The following ZAP70 variants were observed in gnomAD, a reference collection of about 807,000 sequenced individuals.
ZAP70 encodes tyrosine-protein kinase ZAP-70.
ZAP70 carries 27 observed loss-of-function variants against 65.8 expected under a neutral mutation model. That is an observed-to-expected ratio of 0.41 (90% CI 0.30 to 0.57). The LOEUF is 0.57. ZAP70 is among the 20% of genes least tolerant of loss of function. The pLI, the probability that ZAP70 is intolerant of heterozygous loss-of-function variation, is 0.28. For synonymous variants in ZAP70, 363 were observed against 360.8 expected (o/e 1.01, Z -0.07); for missense variants, 696 against 870.5 (o/e 0.80, Z 2.52).
Position 97,737,919 on chromosome 2 carries a change from T to A in ZAP70, c.1623+22T>A. The A allele has an allele frequency of 6.2e-7, 1 of 1,613,816 alleles. No individual in the cohort carries two copies. The highest frequency in any genetic ancestry group is 8.5e-7 in the Non-Finnish European group (1 of 1,179,856). On this transcript the variant is annotated intron_variant, in intron 12 of 13. Transcript: ENST00000264972. The surrounding 1 kb of genome is among the most constrained non-coding windows in gnomAD (Gnocchi z 5.0). Reference sequence around the variant, plus strand: ...CAAGGCAGGCGCGGGCAGAGGCAGGTGGGCGGTGTGGTGGGGAGGGGGATG... The same window carrying A: ...CAAGGCAGGCGCGGGCAGAGGCAGGAGGGCGGTGTGGTGGGGAGGGGGATG...
At chr2:97,751,809 G>C in the ZAP70 span, among the ~76,000 whole-genome samples, 1 of 152,220 alleles carries the variant, frequency 6.6e-6, no homozygotes, top group African/African-American at 2.4e-5. Flanking sequence ...GAGAAAGGGA[G>C]GAAGAGGGAG....
intron 4 of ZAP70, among the ~76,000 whole-genome samples, chr2:97,730,332 TG>T (rs1382047030): frequency 6.6e-6 from 1 of 152,216 alleles, no homozygotes; most frequent in Non-Finnish European, 1.5e-5. Context: ...CCTCTTCTGC[TG>T]GGTTTTTGAG....
the ZAP70 span, among the ~76,000 whole-genome samples, chr2:97,748,315 CTG>C: frequency 2.0e-5 from 3 of 152,190 alleles, no homozygotes; most frequent in Non-Finnish European, 4.4e-5. Context: ...TGATTAAAAA[CTG>C]TTAATCCACT....
the ZAP70 span, among the ~76,000 whole-genome samples, chr2:97,750,410 T>C: frequency 6.6e-6 from 1 of 152,142 alleles, no homozygotes; most frequent in Non-Finnish European, 1.5e-5. Flanking sequence ...TGCTCTGGAG[T>C]GGAGGCTGGC....
At chr2:97,721,223 G>C (rs1193049712) in intron 2 of ZAP70, among the ~76,000 whole-genome samples, 1 of 152,166 alleles carries the variant, frequency 6.6e-6, no homozygotes, top group Non-Finnish European at 1.5e-5. Context: ...ACATACAGTT[G>C]ATCAACACTG....
At chr2:97,733,725 C>T (rs1677720360) in intron 8 of ZAP70, 130 bp downstream of exon 8, 9 of 1,076,072 alleles carry the variant, frequency 8.4e-6, no homozygotes, top group Admixed American at 3.5e-5. Flanking sequence ...GCTTGGTTAA[C>T]ACCTGTGCAC....
At chr2:97,738,606 T>G (rs552658277) in intron 13 of ZAP70, 40 of 210,674 alleles carry the variant, frequency 1.9e-4, no homozygotes, top group African/African-American at 9.1e-4. Context: ...ACACCATCAG[T>G]ATCCCAACTT....
intron 9 of ZAP70, 82 bp downstream of exon 9, chr2:97,734,794 G>A (rs751054040): frequency 2.0e-5 from 31 of 1,551,840 alleles, no homozygotes; most frequent in Non-Finnish European, 2.6e-5. Context: ...GACGGGAGCC[G>A]GGATGTCTGT....
the ZAP70 span, among the ~76,000 whole-genome samples, chr2:97,749,874 C>G: frequency 1.3e-5 from 2 of 152,200 alleles, no homozygotes; most frequent in Non-Finnish European, 2.9e-5. Flanking sequence ...CAGGCAGTGG[C>G]AAGGAGCTCA....
chr2:97,733,781 C>T, intron 8 of ZAP70, 186 bp downstream of exon 8: 1 of 711,740 alleles, frequency 1.4e-6, no homozygotes, highest in Non-Finnish European at 2.4e-6. Flanking sequence ...ATGTACGTCC[C>T]AGTGTGTACT....
At chr2:97,755,420 G>A in the ZAP70 span, among the ~76,000 whole-genome samples, 1 of 152,232 alleles carries the variant, frequency 6.6e-6, no homozygotes, top group Admixed American at 6.5e-5. Flanking sequence ...GGCACCCTGT[G>A]TGACTGCCAC....
At chr2:97,735,158 T>A in intron 9 of ZAP70, 92 bp from the exon 10 acceptor site, 1 of 1,509,386 alleles carries the variant, frequency 6.6e-7, no homozygotes, top group Middle Eastern at 1.8e-4. Context: ...ACCACACAAC[T>A]CAAGGGAGAA....
intron 2 of ZAP70, among the ~76,000 whole-genome samples, chr2:97,714,667 A>G (rs544518489): frequency 6.6e-6 from 1 of 152,336 alleles, no homozygotes; most frequent in Non-Finnish European, 1.5e-5. Context: ...GGAGTTCATG[A>G]GGTGAGCAGC....
rs1026237719 is a variant in ZAP70, at chr2:97,715,727, T to A, written c.-22+1733T>A. 6.6e-6 allele frequency among the ~76,000 whole-genome samples: 1 copy of A among 152,166 alleles called. No individual in the cohort carries two copies. Among genetic ancestry groups the A allele is most frequent in the Non-Finnish European group, 1.5e-5 (1 of 68,034 alleles). On this transcript the variant is annotated intron_variant, in intron 2 of 13. Coordinates refer to ENST00000264972, the MANE Select transcript of ZAP70 (RefSeq NM_001079.4). This position sits in a 1 kb window ranked among gnomAD's most constrained non-coding sequence, Gnocchi z 4.1. ...CAGGCTGCATGTTCTGAGAGTGACA[T>A]TGACCTCTCCGAGCCTCAGTTTCTT...
rs1677774999 is a variant in ZAP70, at chr2:97,734,718, G to A, written c.1082+6G>A. On this transcript the variant is annotated splice_donor_region_variant and intron_variant, in intron 9 of 13. Transcript: ENST00000264972. ...GGCGTGTACCGCATGCGCAAGTATGGCCGCCCCTGCCGTGGTGGGAGCACC... is the reference window on the plus strand; with the variant it reads ...GGCGTGTACCGCATGCGCAAGTATGACCGCCCCTGCCGTGGTGGGAGCACC... The A allele has an allele frequency of 6.2e-6, 10 of 1,613,084 alleles. No individual in the cohort carries two copies. Among genetic ancestry groups the A allele is most frequent in the Non-Finnish European group, 8.5e-6 (10 of 1,179,912 alleles).
chr2:97,720,619 T>A (rs757172947), intron 2 of ZAP70, among the ~76,000 whole-genome samples: 90 of 152,218 alleles, frequency 5.9e-4, no homozygotes, highest in South Asian at 1.0e-3. Context: ...CCCAAAGTGC[T>A]GGGATTACAA....
chr2:97,724,867 G>A, intron 3 of ZAP70: 1 of 1,529,202 alleles, frequency 6.5e-7, no homozygotes, highest in Non-Finnish European at 8.7e-7. Context: ...CTTCAAGCTG[G>A]AGATGCGCTT....
At chr2:97,720,004 G>T (rs1031416872) in intron 2 of ZAP70, among the ~76,000 whole-genome samples, 2 of 152,160 alleles carry the variant, frequency 1.3e-5, no homozygotes, top group African/African-American at 2.4e-5. Context: ...GCGGAACTGC[G>T]TGTCTCCGTA....
At chr2:97,734,312 G>A (rs1366691637) in intron 8 of ZAP70, 7 of 1,397,236 alleles carry the variant, frequency 5.0e-6, no homozygotes, top group Non-Finnish European at 6.6e-6. Context: ...CCACCCTCAT[G>A]TGGCTTCATG....
Sources: allele counts gnomAD v4.1 joint callset (sites outside exome capture counted in the v4.1 genomes callset), GRCh38; gene constraint gnomAD v4.1.1; non-coding constraint Gnocchi (gnomAD v3.1); transcripts MANE v1.5; gene names NCBI Gene and HGNC (gene_info 2026-07-23, HGNC 2026-07-21).